The following RGL1 variants were observed in gnomAD, a reference collection of about 807,000 sequenced individuals.
RGL1 encodes ral guanine nucleotide dissociation stimulator like 1, also known as ral guanine nucleotide dissociation stimulator-like 1.
In RGL1, 24 loss-of-function variants were observed where a neutral mutation model predicts 95.2. The ratio of observed to expected loss-of-function variants is 0.25; its 90% confidence interval spans 0.18 to 0.35. RGL1 has a LOEUF of 0.35. RGL1 is among the 10% of genes least tolerant of loss of function. The pLI is 1.00. For synonymous variants in RGL1, 329 were observed against 344.9 expected, an observed-to-expected ratio of 0.95 and a Z score of 0.51; for missense variants, 715 against 936.3, an observed-to-expected ratio of 0.76 and a Z score of 3.08.
intron 3 of RGL1, among the ~76,000 whole-genome samples, chr1:183,857,116 A>G (rs1665203090): frequency 6.6e-6 from 1 of 152,214 alleles, no homozygotes; most frequent in Non-Finnish European, 1.5e-5. Context: ...AGTAATCACA[A>G]GGGTCCTTAA....
At chr1:183,669,119 T>C (rs568492988) in intron 1 of RGL1, among the ~76,000 whole-genome samples, 6 of 152,028 alleles carry the variant, frequency 3.9e-5, no homozygotes, top group Non-Finnish European at 7.4e-5. Flanking sequence ...ATTTTTTGTA[T>C]TTTTAGTAGA....
intron 3 of RGL1, among the ~76,000 whole-genome samples, chr1:183,849,989 A>G (rs3002647): frequency 0.16 from 24,020 of 152,078 alleles, 2,288 homozygotes; most frequent in East Asian, 0.29. Flanking sequence ...GGGAATGCCT[A>G]TTTCCTCATT....
chr1:183,913,933 C>T (rs547002316), intron 15 of RGL1, among the ~76,000 whole-genome samples: 4 of 152,320 alleles, frequency 2.6e-5, no homozygotes, highest in South Asian at 2.1e-4. Context: ...AGAAAGCCTT[C>T]GTGGACACCT....
chr1:183,887,102 A>G (rs1269705126), intron 7 of RGL1, among the ~76,000 whole-genome samples: 1 of 150,924 alleles, frequency 6.6e-6, no homozygotes, highest in Non-Finnish European at 1.5e-5. Context: ...CCATGCTCCC[A>G]TAGGCTTAGT....
At chr1:183,801,142 T>TG (rs1303328150), upstream of RGL1, among the ~76,000 whole-genome samples, 18 of 110,284 alleles carry the variant, frequency 1.6e-4, no homozygotes, top group African/African-American at 5.8e-4. Context: ...CACTTGTTAT[T>TG]TTGTGTGTGT....
intron 4 of RGL1, among the ~76,000 whole-genome samples, chr1:183,867,459 G>T (rs1665908803): frequency 6.6e-6 from 1 of 152,150 alleles, no homozygotes; most frequent in Non-Finnish European, 1.5e-5. Flanking sequence ...TCTGAAAAGT[G>T]ACTCCTCCTT....
chr1:183,795,045 G>GT (rs899285409), intron 2 of RGL1, among the ~76,000 whole-genome samples: 3 of 152,032 alleles, frequency 2.0e-5, no homozygotes, highest in South Asian at 2.1e-4. Flanking sequence ...TGCTGATTTT[G>GT]TTTTTTTGAG....
chr1:183,796,522 T>TA (rs1660711544), intron 2 of RGL1, among the ~76,000 whole-genome samples: 2 of 152,074 alleles, frequency 1.3e-5, no homozygotes, highest in Admixed American at 6.5e-5. Context: ...AAAATATAAT[T>TA]AAAAAAAGAA....
chr1:183,756,192 A>ATT (rs34988129), intron 2 of RGL1, among the ~76,000 whole-genome samples: 86 of 140,334 alleles, frequency 6.1e-4, no homozygotes, highest in South Asian at 1.1e-3. Context: ...GCCTGAGTTC[A>ATT]TTTTTTTTTT....
intron 2 of RGL1, among the ~76,000 whole-genome samples, chr1:183,843,338 C>T (rs1051879783): frequency 1.3e-5 from 2 of 152,192 alleles, no homozygotes; most frequent in African/African-American, 4.8e-5. Context: ...CAGATGCAAA[C>T]CCTGAGGAAC....
At chr1:183,885,730 T>C (rs964264715) in intron 7 of RGL1, among the ~76,000 whole-genome samples, 7 of 152,162 alleles carry the variant, frequency 4.6e-5, no homozygotes, top group African/African-American at 1.7e-4. Context: ...AATTATTTGT[T>C]TGCAGGAACC....
At chr1:183,767,807 G>T (rs1041863885) in intron 2 of RGL1, among the ~76,000 whole-genome samples, 1 of 152,070 alleles carries the variant, frequency 6.6e-6, no homozygotes, top group Non-Finnish European at 1.5e-5. Context: ...ACAAAAATTA[G>T]CTGGGTGTGG....
chr1:183,892,022 T>C, intron 8 of RGL1, 55 bp from the exon 9 acceptor site: 1 of 1,401,086 alleles, frequency 7.1e-7, no homozygotes, highest in South Asian at 1.2e-5. Context: ...GGGCCAAAAG[T>C]GTCGGGTTAT....
chr1:183,794,336 A>T (rs890571289), intron 2 of RGL1, among the ~76,000 whole-genome samples: 1 of 152,362 alleles, frequency 6.6e-6, no homozygotes, highest in African/African-American at 2.4e-5. Flanking sequence ...GCAAAGGTAC[A>T]GTTGGAAGGA....
intron 14 of RGL1, among the ~76,000 whole-genome samples, chr1:183,907,996 C>CT (rs1173913927): frequency 4.6e-5 from 7 of 151,426 alleles, no homozygotes; most frequent in Non-Finnish European, 1.0e-4. Flanking sequence ...GACCCTGTCT[C>CT]TAAGAACAAA....
intron 3 of RGL1, among the ~76,000 whole-genome samples, chr1:183,861,018 A>T (rs957780377): frequency 1.3e-5 from 2 of 152,108 alleles, no homozygotes; most frequent in African/African-American, 4.8e-5. Context: ...TGCACGTATT[A>T]GTTGTATCTT....
intron 2 of RGL1, among the ~76,000 whole-genome samples, chr1:183,809,397 T>C (rs1249746975): frequency 6.6e-6 from 1 of 152,222 alleles, no homozygotes; most frequent in Non-Finnish European, 1.5e-5. Flanking sequence ...AAAGTAAAAC[T>C]CTGTGTTTGG....
At chr1:183,733,154 C>T (rs766107050) in intron 1 of RGL1, among the ~76,000 whole-genome samples, 1 of 151,784 alleles carries the variant, frequency 6.6e-6, no homozygotes, top group African/African-American at 2.4e-5. Context: ...AGTGTCCTTA[C>T]GGGGTTTGCT....
chr1:183,636,462 T>C (rs78540570), exon 1 of RGL1: 218 of 314,816 alleles, frequency 6.9e-4, no homozygotes, highest in African/African-American at 4.6e-3. Context: ...GTCAGTGCTG[T>C]GTGACAGCAT....
Sources: allele counts gnomAD v4.1 joint callset (sites outside exome capture counted in the v4.1 genomes callset), GRCh38; gene constraint gnomAD v4.1.1; transcripts MANE v1.5; gene names NCBI Gene and HGNC (gene_info 2026-07-23, HGNC 2026-07-21).